ZNF704: variants seen among roughly 807,000 people sequenced by gnomAD.
ZNF704 encodes the protein glucocorticoid induced gene 1.
In ZNF704, 10 loss-of-function variants were observed where a neutral mutation model predicts 44.7. That is an observed-to-expected ratio of 0.22 (90% confidence interval 0.14 to 0.38). The LOEUF (loss-of-function observed/expected upper bound fraction) is 0.38. ZNF704 is among the 10% of genes least tolerant of loss of function. The pLI, the probability that ZNF704 is intolerant of heterozygous loss-of-function variation, is 1.00. For synonymous variants in ZNF704, 211 were observed against 207.6 expected (o/e 1.02, Z -0.14); for missense variants, 390 against 545.5 (o/e 0.71, Z 2.84).
intron 4 of ZNF704, among the ~76,000 whole-genome samples, chr8:80,676,980 GGACCCCC>G (rs1332957852): frequency 6.6e-6 from 1 of 152,154 alleles, no homozygotes; most frequent in Non-Finnish European, 1.5e-5. Context: ...CGGGAGTTGG[GGACCCCC>G]GCCTTAGAGA....
At chr8:80,710,842 C>A (rs185007589) in intron 2 of ZNF704, among the ~76,000 whole-genome samples, 1 of 152,130 alleles carries the variant, frequency 6.6e-6, no homozygotes, top group Non-Finnish European at 1.5e-5. Flanking sequence ...ACTAAGACAG[C>A]GGTTTTCTGT....
chr8:80,878,063 A>G (rs1369050734), upstream of ZNF704, among the ~76,000 whole-genome samples: 1 of 152,152 alleles, frequency 6.6e-6, no homozygotes, highest in Non-Finnish European at 1.5e-5. Flanking sequence ...TGCTTTGGTC[A>G]AAGTTTGAGA....
chr8:80,865,817 T>C (rs1475544946), intron 1 of ZNF704, among the ~76,000 whole-genome samples: 1 of 152,150 alleles, frequency 6.6e-6, no homozygotes, highest in African/African-American at 2.4e-5. Flanking sequence ...TTCTGCAACA[T>C]GAACGAACCC....
intron 2 of ZNF704, among the ~76,000 whole-genome samples, chr8:80,741,923 C>T (rs1806764614): frequency 6.6e-6 from 1 of 152,150 alleles, no homozygotes; most frequent in Non-Finnish European, 1.5e-5. Flanking sequence ...ACTAATAGCC[C>T]TCACTCGGGC....
At position 80,630,457 on chromosome 8, in the gene ZNF704, T is replaced by C. The variant is rs139437702; in HGVS notation, c.*10909A>G. The C allele has an allele frequency of 1.3e-5, 2 of 152,382 alleles. No individual in the cohort carries two copies. The highest frequency in any genetic ancestry group is 2.9e-5 in the Non-Finnish European group (2 of 68,036). 9.4% of individuals were successfully genotyped at this position (152,382 alleles called of 1,614,324 possible). ...TGTTTTCTACTGATTGCATTTCCACTAAATACCCCATTTTAAATATTTAAT... is the reference window on the plus strand; with the variant it reads ...TGTTTTCTACTGATTGCATTTCCACCAAATACCCCATTTTAAATATTTAAT... On this transcript the variant is annotated 3_prime_UTR_variant, in exon 9 of 9. Coordinates refer to ENST00000327835, the MANE Select transcript of ZNF704 (RefSeq NM_001033723.3).
At chr8:80,797,529 C>T (rs898691153) in intron 2 of ZNF704, among the ~76,000 whole-genome samples, 1 of 152,158 alleles carries the variant, frequency 6.6e-6, no homozygotes, top group Non-Finnish European at 1.5e-5. Flanking sequence ...CAGCTTGTAC[C>T]TTTCAGAGTG....
chr8:80,727,683 C>T (rs981430681), intron 2 of ZNF704, among the ~76,000 whole-genome samples: 1 of 152,058 alleles, frequency 6.6e-6, no homozygotes, highest in East Asian at 1.9e-4. Context: ...TCATGAGACC[C>T]CGCCCCGATG....
At chr8:80,736,016 A>G (rs1806659076) in intron 2 of ZNF704, among the ~76,000 whole-genome samples, 1 of 152,208 alleles carries the variant, frequency 6.6e-6, no homozygotes, top group Admixed American at 6.5e-5. Context: ...GTCTACAAAT[A>G]GTATGCTTCC....
upstream of ZNF704, among the ~76,000 whole-genome samples, chr8:80,875,752 G>T (rs1430473440): frequency 6.6e-6 from 1 of 152,200 alleles, no homozygotes; most frequent in East Asian, 1.9e-4. Flanking sequence ...ATTATTGTTG[G>T]ACATTTAACA....
intron 1 of ZNF704, among the ~76,000 whole-genome samples, chr8:80,873,298 G>A (rs1254702476): frequency 1.3e-5 from 2 of 152,146 alleles, no homozygotes; most frequent in Admixed American, 6.5e-5. Context: ...CAACAAACCC[G>A]ACACGGCCTT....
chr8:80,755,454 CA>C (rs1306766221), intron 2 of ZNF704, among the ~76,000 whole-genome samples: 6 of 152,008 alleles, frequency 3.9e-5, no homozygotes, highest in South Asian at 2.1e-4. Flanking sequence ...GACTCCATCT[CA>C]AAAACAAACA....
At chr8:80,729,783 T>C (rs908220994) in intron 2 of ZNF704, among the ~76,000 whole-genome samples, 1 of 152,168 alleles carries the variant, frequency 6.6e-6, no homozygotes, top group Non-Finnish European at 1.5e-5. Context: ...GAGATTCCAG[T>C]TGGAGACAGA....
intron 1 of ZNF704, among the ~76,000 whole-genome samples, chr8:80,858,843 C>A (rs1809011481): frequency 6.6e-6 from 1 of 152,106 alleles, no homozygotes; most frequent in African/African-American, 2.4e-5. Context: ...GATTTCAATT[C>A]TTTGGAATTT....
At position 80,659,590 on chromosome 8, in the gene ZNF704, T is replaced by G. The variant is rs780990282; in HGVS notation, c.1027A>C (p.Ile343Leu). The change falls in exon 7 of 9, where the codon ATC (isoleucine) becomes CTC (leucine). Residue 343 changes from isoleucine (I) to leucine (L), a missense_variant. Ile to Leu is a conservative substitution (Grantham distance 5). This residue lies in a region of ZNF704 where 305 missense variants were observed against 435.7 expected (regional missense o/e 0.70). Transcript: ENST00000327835. ...TTTTTCGTTTTTCTACTTACTGGGA[T>G]GCCTGTGAAAGTGACCGGAGGAGAT... ...WQSPPVTFTGIPVSPTHHPVG... is the reference protein window; with the variant it reads ...WQSPPVTFTGLPVSPTHHPVG... 3 of 1,613,818 alleles carry G rather than the reference T, an allele frequency of 1.9e-6. No individual in the cohort carries two copies. The highest frequency in any genetic ancestry group is 2.5e-6 in the Non-Finnish European group (3 of 1,179,852).
chr8:80,867,239 A>T (rs1809170626), intron 1 of ZNF704, among the ~76,000 whole-genome samples: 1 of 152,134 alleles, frequency 6.6e-6, no homozygotes, highest in Non-Finnish European at 1.5e-5. Context: ...GGTTCCATCC[A>T]TCACACCACA....
intron 1 of ZNF704, among the ~76,000 whole-genome samples, chr8:80,858,045 A>T (rs1186034516): frequency 1.3e-5 from 2 of 152,114 alleles, no homozygotes; most frequent in Non-Finnish European, 2.9e-5. Flanking sequence ...ACAGGCAAAA[A>T]TCCTTTAGTC....
At chr8:80,756,394 A>G (rs1336501632) in intron 2 of ZNF704, among the ~76,000 whole-genome samples, 1 of 152,222 alleles carries the variant, frequency 6.6e-6, no homozygotes, top group Admixed American at 6.5e-5. Flanking sequence ...TTATCTTCAC[A>G]TCAACCCCAT....
chr8:80,755,138 A>C (rs1486784308), intron 2 of ZNF704, among the ~76,000 whole-genome samples: 2 of 152,160 alleles, frequency 1.3e-5, no homozygotes, highest in African/African-American at 4.8e-5. Flanking sequence ...TATATCCAGG[A>C]TCTATTGAAA....
Position 80,853,607 on chromosome 8 carries a change from G to A in ZNF704, c.-22+20964C>T, listed in dbSNP as rs570706433. 2.6e-5 allele frequency among the ~76,000 whole-genome samples: 4 copies of A among 152,042 alleles called. No individual in the cohort carries two copies. In the South Asian group the frequency reaches 8.3e-4, roughly 32 times the overall value. On this transcript the variant is annotated intron_variant, in intron 1 of 8. Transcript: ENST00000327835. ...ATAGAAATCAAGAAAGTTATTATTG[G>A]AAAAGAAAAAAACAGTAGAAAGAAC...
Sources: gnomAD v4.1 joint callset for allele counts (sites outside exome capture counted in the v4.1 genomes callset) on GRCh38, gnomAD v4.1.1 for gene constraint, gnomAD v4.1.1 regional missense constraint, MANE v1.5 for transcripts, NCBI Gene and HGNC (gene_info 2026-07-23, HGNC 2026-07-21) for gene names.